Variants in MAGI2 observed in about 807,000 individuals in gnomAD.
MAGI2 encodes membrane-associated guanylate kinase, WW and PDZ domain-containing protein 2.
Under a neutral mutation model 133.3 loss-of-function variants are expected in MAGI2, and 35 were observed. That is an observed-to-expected ratio of 0.26 (90% CI 0.20 to 0.35). The LOEUF is 0.35. MAGI2 is among the 10% of genes least tolerant of loss of function. The pLI, the probability that MAGI2 is intolerant of heterozygous loss-of-function variation, is 1.00. For synonymous variants in MAGI2, 729 were observed against 710.6 expected (o/e 1.03, Z -0.41); for missense variants, 1,636 against 1,863.4 (o/e 0.88, Z 2.25).
At chr7:79,258,249 C>T (rs1257732686) in intron 1 of MAGI2, among the ~76,000 whole-genome samples, 1 of 152,210 alleles carries the variant, frequency 6.6e-6, no homozygotes, top group Non-Finnish European at 1.5e-5. Flanking sequence ...AATAGAGACA[C>T]TTGCAAAGTA....
chr7:78,302,834 ATTACACAG>A (rs1041867553), intron 9 of MAGI2, among the ~76,000 whole-genome samples: 27 of 152,322 alleles, frequency 1.8e-4, no homozygotes, highest in Non-Finnish European at 3.1e-4. Flanking sequence ...TGGCAACGTC[ATTACACAG>A]TTGTTCTGCC....
chr7:78,395,910 A>G (rs1032361863), intron 6 of MAGI2, among the ~76,000 whole-genome samples: 1 of 152,214 alleles, frequency 6.6e-6, no homozygotes, highest in Non-Finnish European at 1.5e-5. Context: ...AGTTCATGGA[A>G]AGTCAGGTTG....
chr7:79,183,238 G>C (rs1826772180), intron 1 of MAGI2, among the ~76,000 whole-genome samples: 1 of 151,716 alleles, frequency 6.6e-6, no homozygotes, highest in Non-Finnish European at 1.5e-5. Flanking sequence ...AAATACTTAG[G>C]TGATGGAGTA....
At chr7:78,676,390 T>C (rs1471928542) in intron 2 of MAGI2, among the ~76,000 whole-genome samples, 1 of 152,180 alleles carries the variant, frequency 6.6e-6, no homozygotes, top group African/African-American at 2.4e-5. Flanking sequence ...TTTTCTAATT[T>C]AAGCAGCCAC....
At chr7:78,609,835 T>C (rs2150906886) in intron 3 of MAGI2, among the ~76,000 whole-genome samples, 1 of 152,316 alleles carries the variant, frequency 6.6e-6, no homozygotes, top group African/African-American at 2.4e-5. Context: ...ACTTGATAAG[T>C]CCAGGCCAAT....
intron 3 of MAGI2, among the ~76,000 whole-genome samples, chr7:78,589,038 A>G (rs1007842852): frequency 3.3e-5 from 5 of 152,156 alleles, no homozygotes; most frequent in African/African-American, 1.2e-4. Flanking sequence ...GATTTCTTAA[A>G]CCAGGATTCC....
chr7:79,358,374 C>A (rs1481021955), intron 1 of MAGI2, among the ~76,000 whole-genome samples: 3 of 152,010 alleles, frequency 2.0e-5, no homozygotes, highest in Non-Finnish European at 2.9e-5. Flanking sequence ...ATGCTTTCTC[C>A]AAAGCATCCT....
chr7:78,338,522 C>T (rs558590284), intron 9 of MAGI2, among the ~76,000 whole-genome samples: 8 of 152,280 alleles, frequency 5.3e-5, no homozygotes, highest in African/African-American at 1.9e-4. Context: ...TGGTAAACTT[C>T]TTGAAGATAG....
chr7:78,860,359 T>A (rs1479045964), intron 2 of MAGI2, among the ~76,000 whole-genome samples: 1 of 152,214 alleles, frequency 6.6e-6, no homozygotes, highest in East Asian at 1.9e-4. Flanking sequence ...CTCTGGTTTA[T>A]CCCCATCTTT....
chr7:78,094,742 C>T (rs543015516), intron 20 of MAGI2, among the ~76,000 whole-genome samples: 17 of 152,202 alleles, frequency 1.1e-4, no homozygotes, highest in Non-Finnish European at 1.6e-4. Context: ...ACCAGCTGTG[C>T]TGTTGACTCC....
At chr7:79,333,040 T>C (rs1200686035) in intron 1 of MAGI2, among the ~76,000 whole-genome samples, 2 of 152,210 alleles carry the variant, frequency 1.3e-5, no homozygotes, top group Non-Finnish European at 2.9e-5. Context: ...ATAGCTCTCA[T>C]CCAGTCCCAC....
chr7:78,214,496 A>C (rs558083716), intron 10 of MAGI2, among the ~76,000 whole-genome samples: 2 of 152,360 alleles, frequency 1.3e-5, no homozygotes, highest in South Asian at 4.1e-4. Context: ...ATGAGATATC[A>C]ATATGAGACT....
chr7:79,352,208 A>C (rs1486428345), intron 1 of MAGI2, among the ~76,000 whole-genome samples: 1 of 152,200 alleles, frequency 6.6e-6, no homozygotes. Context: ...GATTTTCATA[A>C]ACTCCTCACA....
At chr7:78,106,003 C>T (rs1328924400) in intron 20 of MAGI2, among the ~76,000 whole-genome samples, 1 of 152,030 alleles carries the variant, frequency 6.6e-6, no homozygotes, top group Non-Finnish European at 1.5e-5. Flanking sequence ...CACTTTTCCC[C>T]CTTCTGCCTG....
chr7:78,908,155 T>G (rs1387300474), intron 2 of MAGI2, among the ~76,000 whole-genome samples: 1 of 152,044 alleles, frequency 6.6e-6, no homozygotes, highest in African/African-American at 2.4e-5. Flanking sequence ...GAAGTTGGAG[T>G]AGAATGCTAT....
At chr7:79,065,951 A>G (rs938502836) in intron 1 of MAGI2, among the ~76,000 whole-genome samples, 13 of 152,186 alleles carry the variant, frequency 8.5e-5, no homozygotes, top group Admixed American at 2.6e-4. Context: ...TTCTTTATCC[A>G]GTCTATTATT....
At chr7:78,061,909 G>A (rs964041084) in intron 21 of MAGI2, among the ~76,000 whole-genome samples, 5 of 152,206 alleles carry the variant, frequency 3.3e-5, no homozygotes, top group Non-Finnish European at 7.3e-5. Context: ...AGATCTTTGA[G>A]GGGACTTCGT....
chr7:78,431,789 G>A (rs949591769), intron 6 of MAGI2, among the ~76,000 whole-genome samples: 6 of 152,014 alleles, frequency 3.9e-5, no homozygotes, highest in African/African-American at 1.4e-4. Context: ...TTCTTAAGCA[G>A]ACTAGCAGTG....
intron 3 of MAGI2, among the ~76,000 whole-genome samples, chr7:78,555,200 G>GGATA (rs201538875): frequency 0.13 from 11,847 of 92,596 alleles, 559 homozygotes; most frequent in Admixed American, 0.18. Flanking sequence ...TTGGATGGAT[G>GGATA]GATAGATAGA....
Sources: gnomAD v4.1 joint callset for allele counts (sites outside exome capture counted in the v4.1 genomes callset) on GRCh38, gnomAD v4.1.1 for gene constraint, MANE v1.5 for transcripts, NCBI Gene and HGNC (gene_info 2026-07-23, HGNC 2026-07-21) for gene names.